Variants in TBC1D5 observed in about 807,000 individuals in gnomAD.
TBC1D5 encodes TBC1 domain family, member 5.
In TBC1D5, 75 loss-of-function variants were observed where a neutral mutation model predicts 100.3. The ratio of observed to expected loss-of-function variants is 0.75; its 90% CI spans 0.62 to 0.91. TBC1D5 has a LOEUF of 0.91. Among genes scored for constraint, TBC1D5 ranks in the 40% least tolerant of loss-of-function variants. The pLI is 0.00. For synonymous variants in TBC1D5, 323 were observed against 325.6 expected, an observed-to-expected ratio of 0.99 and a Z score of 0.09; for missense variants, 910 against 942.4, an observed-to-expected ratio of 0.97 and a Z score of 0.45.
intron 13 of TBC1D5, among the ~76,000 whole-genome samples, chr3:17,367,255 T>C (rs972452073): frequency 6.6e-6 from 1 of 152,218 alleles, no homozygotes; most frequent in African/African-American, 2.4e-5. Flanking sequence ...TGAATCTCTA[T>C]ATAAATCTGC....
chr3:17,705,944 C>G lies in TBC1D5; in HGVS notation c.-101+33399G>C, dbSNP rs1245298909. 2.4e-6 allele frequency: 3 copies of G among 1,238,460 alleles called. No homozygotes were observed. The South Asian group carries it at 4.7e-5, about 19-fold the overall frequency. 76.7% of individuals were successfully genotyped at this position (1,238,460 alleles called of 1,614,324 possible). A position where few individuals can be genotyped will look rare whatever the true frequency, so the allele number is the denominator to read the frequency against. On this transcript the variant is annotated intron_variant, in intron 1 of 21. Coordinates refer to ENST00000253692, the Ensembl canonical transcript of TBC1D5. ...CGCGGGGCCCGTCCGCTCCTCCAGC[C>G]GCTGCCTCCCGGGCGGCGCTCCTCA...
chr3:17,606,976 G>A (rs1251434272), intron 2 of TBC1D5, among the ~76,000 whole-genome samples: 1 of 152,106 alleles, frequency 6.6e-6, no homozygotes, highest in Non-Finnish European at 1.5e-5. Flanking sequence ...TAATTAGTTC[G>A]ATTTTACCAA....
At chr3:17,190,612 G>A (rs2069754602) in intron 18 of TBC1D5, among the ~76,000 whole-genome samples, 1 of 152,100 alleles carries the variant, frequency 6.6e-6, no homozygotes, top group African/African-American at 2.4e-5. Flanking sequence ...TGTTTTCGGG[G>A]TTGGGGTTTG....
At chr3:17,188,167 A>G (rs2069383952) in intron 18 of TBC1D5, among the ~76,000 whole-genome samples, 1 of 152,194 alleles carries the variant, frequency 6.6e-6, no homozygotes, top group African/African-American at 2.4e-5. Context: ...TACTGTAATA[A>G]AGACTGCGAT....
At chr3:17,705,024 G>A (rs1462449095) in intron 1 of TBC1D5, among the ~76,000 whole-genome samples, 6 of 130,626 alleles carry the variant, frequency 4.6e-5, no homozygotes, top group Admixed American at 1.4e-4. Flanking sequence ...CCTCCCTCCC[G>A]GACGGGGCGG....
At chr3:17,256,188 T>C (rs1380583044) in intron 16 of TBC1D5, among the ~76,000 whole-genome samples, 4 of 152,106 alleles carry the variant, frequency 2.6e-5, no homozygotes, top group Non-Finnish European at 5.9e-5. Context: ...GTGTGGTTGA[T>C]ACTTTTTCAA....
chr3:17,220,921 T>A (rs931609502), intron 17 of TBC1D5, among the ~76,000 whole-genome samples: 5 of 152,196 alleles, frequency 3.3e-5, no homozygotes, highest in Non-Finnish European at 7.3e-5. Flanking sequence ...CTTATATAAC[T>A]GAATTTATTC....
chr3:17,706,233 C>T lies in TBC1D5; in HGVS notation c.-101+33110G>A, dbSNP rs2074145934. The stretch of plus-strand genomic sequence containing the variant: ...GAGGCCCAGGCTGTGGAGGCGGCGG[C>T]CACCACATTGATATTTGTACTTCTT... On this transcript the variant is annotated intron_variant, in intron 1 of 21. Transcript: ENST00000253692. 3 of 1,549,008 alleles carry T rather than the reference C, an allele frequency of 1.9e-6. No individual in the cohort carries two copies. The South Asian group carries it at 3.6e-5, about 18-fold the overall frequency.
In TBC1D5 at chr3:17,353,593, C is replaced by T. The variant is rs117859431; in HGVS notation, c.995+18482G>A. 1.2e-3 allele frequency among the ~76,000 whole-genome samples: 177 copies of T among 152,172 alleles called. 3 individuals carry two copies. The East Asian group carries it at 0.027, about 24-fold the overall frequency. ...TAAGTAACTATCTTGAAAAACCTTG[C>T]TTTTCTTATTATCTTTTCCTTCTTT... is the stretch of plus-strand genomic sequence containing the variant. On this transcript the variant is annotated intron_variant, in intron 13 of 21. Transcript: ENST00000253692.
At chr3:17,716,754 T>C (rs979695512) in intron 1 of TBC1D5, among the ~76,000 whole-genome samples, 1 of 152,152 alleles carries the variant, frequency 6.6e-6, no homozygotes, top group Non-Finnish European at 1.5e-5. Context: ...AAAATAATAA[T>C]TCACTCACTG....
At chr3:17,436,259 T>A (rs777974373) in intron 3 of TBC1D5, among the ~76,000 whole-genome samples, 11 of 152,164 alleles carry the variant, frequency 7.2e-5, no homozygotes, top group African/African-American at 1.4e-4. Flanking sequence ...GAGAAAACAA[T>A]AGGTTCTACT....
At position 17,507,031 on chromosome 3, in the gene TBC1D5, A is replaced by AAAC. The variant is rs576718256; in HGVS notation, c.97+1440_97+1442dup. Among the ~76,000 whole-genome samples, 1,497 of 152,286 alleles carry AAAC rather than the reference A, an allele frequency of 9.8e-3. 28 individuals are homozygous for AAAC. Among genetic ancestry groups the AAAC allele is most frequent in the African/African-American group, 0.034 (1,402 of 41,556 alleles). ...ACTCCGTCTCAAAAAACAAACAAAC[A>AAAC]AACAACAACAACAAAAACTATGTCC... is the stretch of plus-strand genomic sequence containing the variant. On this transcript the variant is annotated intron_variant, in intron 3 of 21. Coordinates refer to ENST00000253692, the Ensembl canonical transcript of TBC1D5.
At position 17,343,331 on chromosome 3, in the gene TBC1D5, T is replaced by C. The variant is rs532323105; in HGVS notation, c.995+28744A>G. Among the ~76,000 whole-genome samples the C allele has an allele frequency of 2.1e-3, 317 of 151,994 alleles. 1 individual carries two copies. Among genetic ancestry groups the C allele is most frequent in the African/African-American group, 7.1e-3 (295 of 41,490 alleles). On this transcript the variant is annotated intron_variant, in intron 13 of 21. Transcript: ENST00000253692. Reference sequence around the variant, plus strand: ...AGGGATGAAGCCCACTTGATCATGGTGGATAAGCTTTTTGATGTGCTGCTG... The same window carrying C: ...AGGGATGAAGCCCACTTGATCATGGCGGATAAGCTTTTTGATGTGCTGCTG...
chr3:17,694,113 G>C (rs571094609), intron 1 of TBC1D5, among the ~76,000 whole-genome samples: 1 of 152,310 alleles, frequency 6.6e-6, no homozygotes, highest in African/African-American at 2.4e-5. Context: ...AAGACCAAAG[G>C]TGGATAAAAT....
At chr3:17,571,701 C>T (rs889672848) in intron 2 of TBC1D5, among the ~76,000 whole-genome samples, 1 of 152,010 alleles carries the variant, frequency 6.6e-6, no homozygotes, top group Non-Finnish European at 1.5e-5. Context: ...ACCTAATTTC[C>T]TGAAGGCAGA....
chr3:17,508,729 G>C, intron 2 of TBC1D5, 124 bp from the exon 3 acceptor site: 1 of 444,958 alleles, frequency 2.2e-6, no homozygotes, highest in Non-Finnish European at 4.1e-6. Flanking sequence ...CCAGGCTCCA[G>C]GGACTGTTAT....
At chr3:17,601,227 T>G (rs1343161766) in intron 2 of TBC1D5, among the ~76,000 whole-genome samples, 2 of 152,212 alleles carry the variant, frequency 1.3e-5, no homozygotes, top group African/African-American at 4.8e-5. Context: ...ACTACCAATA[T>G]GGGCCGGGTG....
chr3:17,176,318 A>G (rs2067724509), intron 19 of TBC1D5, among the ~76,000 whole-genome samples: 1 of 152,224 alleles, frequency 6.6e-6, no homozygotes, highest in Non-Finnish European at 1.5e-5. Flanking sequence ...TGTGACAAGT[A>G]TATAAGCTTC....
chr3:17,628,438 C>G (rs2063237482), intron 1 of TBC1D5, among the ~76,000 whole-genome samples: 1 of 151,296 alleles, frequency 6.6e-6, no homozygotes, highest in South Asian at 2.1e-4. Context: ...ATAGAATTCA[C>G]AGAAATCAGG....
Sources: gnomAD v4.1 joint callset for allele counts (sites outside exome capture counted in the v4.1 genomes callset) on GRCh38, gnomAD v4.1.1 for gene constraint, MANE v1.5 for transcripts, NCBI Gene and HGNC (gene_info 2026-07-23, HGNC 2026-07-21) for gene names.